The following PLEKHA5 variants were observed in gnomAD, a reference collection of about 807,000 sequenced individuals.
The protein encoded by PLEKHA5 is pleckstrin homology domain containing A5.
A neutral mutation model predicts 181.9 loss-of-function variants in PLEKHA5; 55 were observed. The observed-to-expected ratio is 0.30, with a 90% CI of 0.24 to 0.38. PLEKHA5 has a LOEUF of 0.38. Among genes scored for constraint, PLEKHA5 ranks in the 10% least tolerant of loss-of-function variants. The probability of loss-of-function intolerance (pLI) is 1.00; values close to 1 mark genes in which losing one functional copy is unlikely to be tolerated. For missense variants in PLEKHA5, 1,432 were observed against 1,549.5 expected (o/e 0.92, Z 1.27); for synonymous variants, 535 against 529.4 (o/e 1.01, Z -0.15).
intron 3 of PLEKHA5, among the ~76,000 whole-genome samples, chr12:19,244,765 G>A (rs906313075): frequency 3.9e-5 from 6 of 152,104 alleles, no homozygotes; most frequent in African/African-American, 1.4e-4. Flanking sequence ...CATTTTCAAC[G>A]ATATTACCAT....
At chr12:19,364,978 A>G (rs1331001800) in intron 29 of PLEKHA5, among the ~76,000 whole-genome samples, 1 of 152,152 alleles carries the variant, frequency 6.6e-6, no homozygotes, top group African/African-American at 2.4e-5. Context: ...CATTTTTAAC[A>G]TCACAAAAAG....
chr12:19,145,549 A>G (rs2038707045), intron 3 of PLEKHA5, among the ~76,000 whole-genome samples: 1 of 152,138 alleles, frequency 6.6e-6, no homozygotes, highest in African/African-American at 2.4e-5. Context: ...TTAACTTTTT[A>G]TTTAATAAAT....
At chr12:19,311,153 G>T (rs1446851475) in intron 15 of PLEKHA5, among the ~76,000 whole-genome samples, 1 of 151,870 alleles carries the variant, frequency 6.6e-6, no homozygotes, top group Admixed American at 6.6e-5. Context: ...TTGGAGTGGG[G>T]TCGGGCATGG....
At chr12:19,356,777 C>T (rs974151472) in intron 26 of PLEKHA5, among the ~76,000 whole-genome samples, 9 of 148,670 alleles carry the variant, frequency 6.1e-5, no homozygotes, top group Non-Finnish European at 8.9e-5. Context: ...TCTCCTGCCT[C>T]GGCCTCCCGA....
intron 3 of PLEKHA5, among the ~76,000 whole-genome samples, chr12:19,165,921 G>A (rs983792357): frequency 1.3e-5 from 2 of 152,136 alleles, no homozygotes; most frequent in Non-Finnish European, 2.9e-5. Context: ...TAAGCAAAAG[G>A]ACATTCAGCA....
intron 30 of PLEKHA5, among the ~76,000 whole-genome samples, chr12:19,368,278 C>T (rs891228189): frequency 1.3e-5 from 2 of 151,414 alleles, no homozygotes; most frequent in African/African-American, 2.4e-5. Flanking sequence ...ATTGCTTGAG[C>T]TCAGGAGTTC....
intron 15 of PLEKHA5, among the ~76,000 whole-genome samples, chr12:19,308,160 A>C (rs2084838448): frequency 6.6e-6 from 1 of 151,538 alleles, no homozygotes; most frequent in African/African-American, 2.4e-5. Flanking sequence ...CGTTCTGTGG[A>C]AAAGGGAACT....
chr12:19,253,886 A>T, intron 3 of PLEKHA5, 54 bp from the exon 4 acceptor site: 1 of 1,015,412 alleles, frequency 9.8e-7, no homozygotes, highest in Non-Finnish European at 1.5e-6. Flanking sequence ...TACAATAAAT[A>T]AATGGGAATT....
intron 29 of PLEKHA5, among the ~76,000 whole-genome samples, chr12:19,364,972 T>C (rs1041800950): frequency 3.9e-5 from 6 of 152,160 alleles, no homozygotes; most frequent in Admixed American, 6.6e-5. Context: ...ACTGATCATT[T>C]TTAACATCAC....
chr12:19,252,980 A>G (rs528026799), intron 3 of PLEKHA5, among the ~76,000 whole-genome samples: 23 of 151,144 alleles, frequency 1.5e-4, no homozygotes, highest in Admixed American at 1.5e-3. Flanking sequence ...CTTACTTTTC[A>G]TGACCCACCT....
At chr12:19,214,217 A>G (rs2057503850) in intron 3 of PLEKHA5, among the ~76,000 whole-genome samples, 1 of 151,582 alleles carries the variant, frequency 6.6e-6, no homozygotes, top group African/African-American at 2.4e-5. Context: ...GAACCAGAGG[A>G]CTGAGATTAG....
At chr12:19,299,224 T>G (rs375121305) in intron 15 of PLEKHA5, among the ~76,000 whole-genome samples, 3 of 152,254 alleles carry the variant, frequency 2.0e-5, no homozygotes, top group African/African-American at 7.2e-5. Context: ...AACTGATGAC[T>G]TTAAACTGGA....
intron 3 of PLEKHA5, among the ~76,000 whole-genome samples, chr12:19,145,735 C>G (rs1208729829): frequency 6.6e-6 from 1 of 151,826 alleles, no homozygotes; most frequent in African/African-American, 2.4e-5. Context: ...TAAACAGAAT[C>G]TTTGTGGTCA....
rs1266182356 is a variant in PLEKHA5, at chr12:19,173,083, G to T, written c.227+40633G>T. On this transcript the variant is annotated intron_variant, in intron 3 of 31. Coordinates refer to ENST00000429027, the MANE Select transcript of PLEKHA5 (RefSeq NM_001256470.2). ...CCAGGCCGGACTGCGGACTGCAGTGGCGCAATCTCGGCTCACTGCAAGCTC... is the reference window on the plus strand; with the variant it reads ...CCAGGCCGGACTGCGGACTGCAGTGTCGCAATCTCGGCTCACTGCAAGCTC... Among the ~76,000 whole-genome samples the T allele has an allele frequency of 4.8e-5, 6 of 124,608 alleles. No individual in the cohort carries two copies. The East Asian group carries it at 1.6e-3, about 32-fold the overall frequency. 81.7% of individuals were successfully genotyped at this position (124,608 alleles called of 152,430 possible). A position where few individuals can be genotyped will look rare whatever the true frequency, so the allele number is the denominator to read the frequency against.
intron 2 of PLEKHA5, among the ~76,000 whole-genome samples, chr12:19,131,843 A>G (rs962816102): frequency 1.3e-5 from 2 of 152,152 alleles, no homozygotes; most frequent in Admixed American, 6.5e-5. Flanking sequence ...CAACTTTACT[A>G]CTTGAAACTT....
In PLEKHA5 at chr12:19,274,880, T is replaced by C. The variant is rs1337899416; in HGVS notation, c.1210T>C (p.Tyr404His). The C allele has an allele frequency of 2.5e-6, 4 of 1,613,852 alleles. No individual in the cohort carries two copies. In the South Asian group the frequency reaches 3.3e-5, roughly 13 times the overall value. Residue 404 changes from tyrosine to histidine, a missense_variant, in exon 11 of 32, where the codon TAC (tyrosine) becomes CAC (histidine). By Grantham distance (83) the Tyr-to-His change is moderately conservative. Around this residue, in one of 2 missense-constraint regions of PLEKHA5, gnomAD observed 1,143 missense variants for 1,168.4 expected, o/e 0.98. Coordinates refer to ENST00000429027, the MANE Select transcript of PLEKHA5 (RefSeq NM_001256470.2). ...AAATCGCCCCAATACAGGGCCCTTATACACAGAGGCCGATCGAGTCATACA... is the reference window on the plus strand; with the variant it reads ...AAATCGCCCCAATACAGGGCCCTTACACACAGAGGCCGATCGAGTCATACA... ...GGNRPNTGPL[Y>H]TEADRVIQRT... is the part of the protein sequence containing the mutation.
intron 3 of PLEKHA5, among the ~76,000 whole-genome samples, chr12:19,148,104 T>A (rs2039419234): frequency 6.6e-6 from 1 of 152,010 alleles, no homozygotes; most frequent in African/African-American, 2.4e-5. Context: ...TTGCCCGGGC[T>A]GGAGTGCAGT....
Position 19,291,073 on chromosome 12 carries a change from T to C in PLEKHA5, c.1983+277T>C, listed in dbSNP as rs369697173. 3.8e-4 allele frequency among the ~76,000 whole-genome samples: 58 copies of C among 152,324 alleles called. No homozygotes were observed. In the Middle Eastern group the frequency reaches 0.01, roughly 27 times the overall value. ...GGAAGGCAATGCGTACAATACTTCA[T>C]GTACGCATTAACTTCATGTTGTTAC... On this transcript the variant is annotated intron_variant, in intron 14 of 31. Coordinates refer to ENST00000429027, the MANE Select transcript of PLEKHA5 (RefSeq NM_001256470.2).
At chr12:19,276,723 G>C (rs2074632900) in intron 11 of PLEKHA5, among the ~76,000 whole-genome samples, 1 of 152,164 alleles carries the variant, frequency 6.6e-6, no homozygotes, top group Non-Finnish European at 1.5e-5. Flanking sequence ...TGGGCAACTA[G>C]GGTGATTTGG....
Sources: allele counts gnomAD v4.1 joint callset (sites outside exome capture counted in the v4.1 genomes callset), GRCh38; gene constraint gnomAD v4.1.1; regional missense constraint gnomAD v4.1.1; transcripts MANE v1.5; gene names NCBI Gene and HGNC (gene_info 2026-07-23, HGNC 2026-07-21).